STK31: variants seen among roughly 807,000 people sequenced by gnomAD.
STK31 encodes serine/threonine-protein kinase 31.
In STK31, 89 loss-of-function variants were observed where a neutral mutation model predicts 129.7. The ratio of observed to expected loss-of-function variants is 0.69; its 90% CI spans 0.58 to 0.82. STK31 has a LOEUF of 0.82. Among genes scored for constraint, STK31 ranks in the 40% least tolerant of loss-of-function variants. The pLI is 0.00. For missense variants in STK31, 1,187 were observed against 1,176.4 expected, an observed-to-expected ratio of 1.01 and a Z score of -0.13; for synonymous variants, 448 against 395.3, an observed-to-expected ratio of 1.13 and a Z score of -1.58.
intron 8 of STK31, among the ~76,000 whole-genome samples, chr7:23,743,822 T>C (rs1051293007): frequency 6.6e-6 from 1 of 152,052 alleles, no homozygotes; most frequent in Non-Finnish European, 1.5e-5. Flanking sequence ...TTTCATTCTT[T>C]TTTGTTCTTT....
chr7:23,776,518 G>A (rs1790555653), intron 15 of STK31, among the ~76,000 whole-genome samples: 1 of 152,084 alleles, frequency 6.6e-6, no homozygotes, highest in South Asian at 2.1e-4. Flanking sequence ...ACTTATTGTT[G>A]GTCTATTCAG....
Position 23,766,400 on chromosome 7 carries a change from C to A in STK31, c.1417-2595C>A, listed in dbSNP as rs1756458731. Among the ~76,000 whole-genome samples the A allele has an allele frequency of 2.0e-5, 3 of 152,158 alleles. No homozygotes were observed. The South Asian group carries it at 6.2e-4, about 32-fold the overall frequency. ...GCCTCAACCTCCCGAGTAGCTGGGA[C>A]TACAGGCATGCACCACTGTGCCCGG... On this transcript the variant is annotated intron_variant, in intron 11 of 23. Transcript: ENST00000355870.
chr7:23,777,621 T>C (rs951088759), intron 15 of STK31, among the ~76,000 whole-genome samples: 2 of 152,160 alleles, frequency 1.3e-5, no homozygotes, highest in African/African-American at 4.8e-5. Context: ...TCTTCGTTGG[T>C]TTAAAGTCTG....
chr7:23,812,692 A>G (rs1360424253), intron 22 of STK31, among the ~76,000 whole-genome samples: 1 of 151,212 alleles, frequency 6.6e-6, no homozygotes, highest in South Asian at 2.1e-4. Context: ...TCGAATCTTC[A>G]GTGACTTTTA....
Position 23,772,074 on chromosome 7 carries a change from A to G in STK31, c.1834-73A>G, listed in dbSNP as rs1411914114. 4.3e-6 allele frequency: 5 copies of G among 1,156,944 alleles called. No individual in the cohort carries two copies. In the African/African-American group the frequency reaches 6.4e-5, roughly 15 times the overall value. 71.7% of individuals were successfully genotyped at this position (1,156,944 alleles called of 1,614,324 possible). A position where few individuals can be genotyped will look rare whatever the true frequency, so the allele number is the denominator to read the frequency against. On this transcript the variant is annotated intron_variant, in intron 14 of 23. Transcript: ENST00000355870. ...AAATACTAGTTGAATCTTAACAGAG[A>G]AATAATAAATGATCACTGTTCAATA...
Position 23,781,467 on chromosome 7 carries a change from A to G in STK31, c.2014A>G (p.Thr672Ala), listed in dbSNP as rs371056647. 2 of 1,611,798 alleles carry G rather than the reference A, an allele frequency of 1.2e-6. No individual in the cohort carries two copies. Among genetic ancestry groups the G allele is most frequent in the Non-Finnish European group, 1.7e-6 (2 of 1,179,142 alleles). ...SQIEKIKEEI[T>A]QLRNNVFQEI... ...AATTGAGAAAATAAAAGAAGAAATAACTCAGCTGCGCAATAATGTCTTTCA... is the reference window on the plus strand; with the variant it reads ...AATTGAGAAAATAAAAGAAGAAATAGCTCAGCTGCGCAATAATGTCTTTCA... Residue 672 changes from threonine (T) to alanine (A), a missense_variant, in exon 16 of 24, where the codon ACT becomes GCT. By Grantham distance (58) the Thr-to-Ala change is moderately conservative. Around this residue, in one of 5 missense-constraint regions of STK31, gnomAD observed 975 missense variants for 934.9 expected, o/e 1.04. Transcript: ENST00000355870.
rs771958798 is a variant in STK31, at chr7:23,786,489, C to T, written c.2275-19C>T. ...GATTTTCATCTTGGAATTACGAGTG[C>T]CTCTTTCTTTGGTACAAGGGCTATT... On this transcript the variant is annotated intron_variant, in intron 18 of 23. Coordinates refer to ENST00000355870, the MANE Select transcript of STK31 (RefSeq NM_031414.5). 10 of 1,572,380 alleles carry T rather than the reference C, an allele frequency of 6.4e-6. No homozygotes were observed. The highest frequency in any genetic ancestry group is 8.6e-6 in the Non-Finnish European group (10 of 1,162,650).
chr7:23,830,268 A>AT lies in STK31; in HGVS notation c.2830-1860dup, dbSNP rs1402014579. Among the ~76,000 whole-genome samples the AT allele has an allele frequency of 6.6e-5, 10 of 150,824 alleles. No individual in the cohort carries two copies. In the South Asian group the frequency reaches 8.4e-4, roughly 13 times the overall value. On this transcript the variant is annotated intron_variant, in intron 23 of 23. Coordinates refer to ENST00000355870, the MANE Select transcript of STK31 (RefSeq NM_031414.5). The stretch of plus-strand genomic sequence containing the variant: ...AAAATTTTTTTTGTGGATCCTTTGT[A>AT]TTTTTTTTAGTGTATTTCACTTAGT...
rs1214653102 is a variant in STK31, at chr7:23,712,082, T to A, written c.51-17T>A. On this transcript the variant is annotated splice_polypyrimidine_tract_variant and intron_variant, in intron 1 of 23. Transcript: ENST00000355870. ...TAATGGTGGATTATTGTAATCTAATTTAAGGTATTGTTCTAGTTTTTCAGG... is the reference window on the plus strand; with the variant it reads ...TAATGGTGGATTATTGTAATCTAATATAAGGTATTGTTCTAGTTTTTCAGG... 1.4e-5 allele frequency: 22 copies of A among 1,580,566 alleles called. No homozygotes were observed. Among genetic ancestry groups the A allele is most frequent in the African/African-American group, 2.7e-5 (2 of 73,948 alleles).
chr7:23,824,993 G>A (rs1357019506), intron 23 of STK31, among the ~76,000 whole-genome samples: 4 of 152,084 alleles, frequency 2.6e-5, no homozygotes, highest in South Asian at 2.1e-4. Context: ...TGCTGGATTC[G>A]GTTTGCCAGT....
At chr7:23,727,163 C>G in intron 4 of STK31, 78 bp from the exon 5 acceptor site, 1 of 1,172,078 alleles carries the variant, frequency 8.5e-7, no homozygotes, top group South Asian at 1.3e-5. Context: ...ATAGGAAGAG[C>G]TTAAATGCTA....
chr7:23,776,038 A>C (rs904436464), intron 15 of STK31, among the ~76,000 whole-genome samples: 1 of 152,220 alleles, frequency 6.6e-6, no homozygotes. Context: ...TTTAGCAAGA[A>C]GTGTGTCAAA....
chr7:23,809,837 C>CG (rs2128124727), intron 22 of STK31, among the ~76,000 whole-genome samples: 1 of 60,502 alleles, frequency 1.7e-5, no homozygotes, highest in East Asian at 3.2e-4. Context: ...CGGTAGGCTA[C>CG]ATGTATAGCC....
At chr7:23,749,828 T>C (rs1788589132) in intron 8 of STK31, among the ~76,000 whole-genome samples, 1 of 152,062 alleles carries the variant, frequency 6.6e-6, no homozygotes, top group Non-Finnish European at 1.5e-5. Flanking sequence ...TCACAAGCAT[T>C]TCTCAATTTT....
At chr7:23,724,470 A>T (rs1786931537) in intron 4 of STK31, among the ~76,000 whole-genome samples, 1 of 152,246 alleles carries the variant, frequency 6.6e-6, no homozygotes. Context: ...GAGTTAGAGT[A>T]AAAACAAGGT....
At chr7:23,727,197 A>G (rs936355034) in intron 4 of STK31, 44 bp from the exon 5 acceptor site, 6 of 1,522,142 alleles carry the variant, frequency 3.9e-6, no homozygotes, top group Middle Eastern at 3.4e-4. Context: ...TCTGTTCACC[A>G]TGCTTTAAAT....
At chr7:23,735,495 G>T in intron 6 of STK31, 43 bp from the exon 7 acceptor site, 2 of 1,485,264 alleles carry the variant, frequency 1.3e-6, no homozygotes, top group South Asian at 1.4e-5. Flanking sequence ...TAAGGGAAGA[G>T]AAACATGTTG....
At chr7:23,795,190 G>T (rs1213366912) in intron 22 of STK31, among the ~76,000 whole-genome samples, 3 of 152,326 alleles carry the variant, frequency 2.0e-5, no homozygotes, top group East Asian at 3.9e-4. Context: ...TGGGCCCACG[G>T]TCCCCCTGCT....
intron 23 of STK31, among the ~76,000 whole-genome samples, chr7:23,829,185 A>G (rs1794393982): frequency 6.6e-6 from 1 of 151,938 alleles, no homozygotes; most frequent in African/African-American, 2.4e-5. Flanking sequence ...TGATGGGATT[A>G]CAGGCGTGAG....
Sources: gnomAD v4.1 joint callset for allele counts (sites outside exome capture counted in the v4.1 genomes callset) on GRCh38, gnomAD v4.1.1 for gene constraint, gnomAD v4.1.1 regional missense constraint, MANE v1.5 for transcripts, NCBI Gene and HGNC (gene_info 2026-07-23, HGNC 2026-07-21) for gene names.